IFI27: variants seen among roughly 807,000 people sequenced by gnomAD.
IFI27 encodes interferon alpha-inducible protein 27, mitochondrial.
IFI27 carries 3 observed loss-of-function variants against 8.9 expected under a neutral mutation model. That is an observed-to-expected ratio of 0.34 (90% confidence interval 0.15 to 0.87). The LOEUF (loss-of-function observed/expected upper bound fraction) is 0.87. Among genes scored for constraint, IFI27 ranks in the 40% least tolerant of loss-of-function variants. The pLI, the probability that IFI27 is intolerant of heterozygous loss-of-function variation, is 0.51. For synonymous variants in IFI27, 66 were observed against 67.3 expected, an observed-to-expected ratio of 0.98 and a Z score of 0.09; for missense variants, 152 against 157.7, an observed-to-expected ratio of 0.96 and a Z score of 0.19.
chr14:94,115,546 C>T (rs1595412397), intron 3 of IFI27: 2 of 609,296 alleles, frequency 3.3e-6, no homozygotes, highest in East Asian at 2.8e-5. Flanking sequence ...GGTCCTGCTG[C>T]CCAGAAGAGC....
intron 2 of IFI27, 72 bp from the exon 3 acceptor site, chr14:94,114,779 T>A (rs1054762053): frequency 6.4e-7 from 1 of 1,556,828 alleles, no homozygotes; most frequent in African/African-American, 1.4e-5. Flanking sequence ...TCCCTTTAGA[T>A]GGGCAATCGG....
At position 94,111,863 on chromosome 14, in the gene IFI27, T is replaced by C. The variant is rs1418233517; in HGVS notation, c.91+90T>C. ...GTCCCGGGACCCGTGGGAGAGAAAA[T>C]GGGGGACACCCGCAGCCTTGCTGCC... On this transcript the variant is annotated intron_variant, in intron 2 of 4. Transcript: ENST00000621160. This position sits in a 1 kb window ranked among gnomAD's most constrained non-coding sequence, Gnocchi z 4.3. 2 of 992,464 alleles carry C rather than the reference T, an allele frequency of 2.0e-6. No individual in the cohort carries two copies. The highest frequency in any genetic ancestry group is 4.8e-5 in the East Asian group (2 of 41,762). The allele number at this position is 992,464 out of a possible 1,614,324, so 61.5% of individuals were successfully genotyped here. A position where few individuals can be genotyped will look rare whatever the true frequency, so the allele number is the denominator to read the frequency against.
chr14:94,112,891 G>T (rs1408076543), intron 2 of IFI27: 1 of 152,270 alleles, frequency 6.6e-6, no homozygotes, highest in Non-Finnish European at 1.5e-5. Context: ...GCAAGGGCCT[G>T]GGCCACGCCC....
At chr14:94,107,356 C>A (rs1008261965), upstream of IFI27, among the ~76,000 whole-genome samples, 1 of 152,202 alleles carries the variant, frequency 6.6e-6, no homozygotes, top group Admixed American at 6.5e-5. Context: ...CAGGCGTGAG[C>A]CACCACTCCC....
chr14:94,114,884 AG>A lies in IFI27; in HGVS notation c.121+5del, dbSNP rs1375408377. The A allele has an allele frequency of 6.2e-7, 1 of 1,614,086 alleles. No homozygotes were observed. The highest frequency in any genetic ancestry group is 8.5e-7 in the Non-Finnish European group (1 of 1,179,952). The stretch of plus-strand genomic sequence containing the variant: ...GCTACAGTTGTGATTGGAGGAGGTG[AG>A]TCTGTGGGGAAGGGGCTCAAGTAAC... On this transcript the variant is annotated splice_donor_5th_base_variant and intron_variant, in intron 3 of 4. Coordinates refer to ENST00000621160, the Ensembl canonical transcript of IFI27.
upstream of IFI27, among the ~76,000 whole-genome samples, chr14:94,109,359 AG>A (rs1259200025): frequency 6.6e-6 from 1 of 150,824 alleles, no homozygotes; most frequent in Non-Finnish European, 1.5e-5. Context: ...AGGGCAGGGA[AG>A]GGCAGAGAAG....
At chr14:94,112,243 C>G (rs1299833709) in intron 2 of IFI27, 1 of 163,234 alleles carries the variant, frequency 6.1e-6, no homozygotes, top group Non-Finnish European at 1.3e-5. Context: ...TTTATTTATT[C>G]TCATTTTCTT....
chr14:94,106,351 G>A (rs139454318), upstream of IFI27, among the ~76,000 whole-genome samples: 1,361 of 152,292 alleles, frequency 8.9e-3, 21 homozygotes, highest in African/African-American at 0.029. Context: ...TGGGGTTTCT[G>A]GATCATATAG....
At chr14:94,112,378 A>G (rs1887226068) in intron 2 of IFI27, among the ~76,000 whole-genome samples, 1 of 152,226 alleles carries the variant, frequency 6.6e-6, no homozygotes, top group East Asian at 1.9e-4. Flanking sequence ...TTTAACTGAC[A>G]TGCAGGATGG....
chr14:94,114,819 A>T (rs570023601), intron 2 of IFI27, 32 bp from the exon 3 acceptor site: 2 of 1,613,574 alleles, frequency 1.2e-6, no homozygotes, highest in South Asian at 2.2e-5. Context: ...GCCAGTGTGG[A>T]TCTACTCACA....
chr14:94,109,449 G>C (rs1030879779), upstream of IFI27, among the ~76,000 whole-genome samples: 2 of 149,624 alleles, frequency 1.3e-5, no homozygotes, highest in Non-Finnish European at 3.0e-5. Flanking sequence ...AAAGTTTATT[G>C]GTGGTGGCAG....
rs561393480 is a variant in IFI27 at position 94,116,598 on chromosome 14, C to G, written c.*71C>G. On this transcript the variant is annotated 3_prime_UTR_variant, in exon 5 of 5. Coordinates refer to ENST00000621160, the Ensembl canonical transcript of IFI27. This position sits in a 1 kb window ranked among gnomAD's most constrained non-coding sequence, Gnocchi z 4.3. ...AAGGCACCCAGCCATCCTGACCCAG[C>G]GAGGAGCCAACTATCCCAAATATAC... The G allele has an allele frequency of 2.3e-5, 27 of 1,182,740 alleles. No homozygotes were observed. Among genetic ancestry groups the G allele is most frequent in the Non-Finnish European group, 3.1e-5 (25 of 805,834 alleles). 73.3% of individuals were successfully genotyped at this position (1,182,740 alleles called of 1,614,324 possible).
In IFI27 at chr14:94,111,613, T is replaced by C; in HGVS notation, c.-58-12T>C. 7.7e-7 allele frequency: 1 copy of C among 1,296,706 alleles called. No individual in the cohort carries two copies. Among genetic ancestry groups the C allele is most frequent in the Admixed American group, 1.7e-5 (1 of 58,814 alleles). The allele number at this position is 1,296,706 out of a possible 1,614,324, so 80.3% of individuals were successfully genotyped here. On this transcript the variant is annotated splice_polypyrimidine_tract_variant and intron_variant, in intron 1 of 4. Transcript: ENST00000621160. The surrounding 1 kb of genome is among the most constrained non-coding windows in gnomAD (Gnocchi z 4.3). ...TGCCCATCCCGTCCTCAGAGCTCCATCCCTTCGGCAGGTCTGGCTGAAGTT... is the reference window on the plus strand; with the variant it reads ...TGCCCATCCCGTCCTCAGAGCTCCACCCCTTCGGCAGGTCTGGCTGAAGTT...
At chr14:94,107,106 C>T (rs912088714), upstream of IFI27, among the ~76,000 whole-genome samples, 1 of 152,058 alleles carries the variant, frequency 6.6e-6, no homozygotes, top group African/African-American at 2.4e-5. Context: ...TTTCACTCTT[C>T]TTGCCCAGGC....
Position 94,115,656 on chromosome 14 carries a change from T to C in IFI27, c.122-125T>C, listed in dbSNP as rs571795035. The C allele has an allele frequency of 3.0e-6, 3 of 986,332 alleles. No individual in the cohort carries two copies. In the South Asian group the frequency reaches 4.8e-5, roughly 16 times the overall value. The allele number at this position is 986,332 out of a possible 1,614,324, so 61.1% of individuals were successfully genotyped here. A position where few individuals can be genotyped will look rare whatever the true frequency, so the allele number is the denominator to read the frequency against. On this transcript the variant is annotated intron_variant, in intron 3 of 4. Transcript: ENST00000621160. ...GATTCGTGCCTATTGGCCGTGCCCA[T>C]AGTCTCTCCCAAGCTCAAAGTTCAC...
At chr14:94,106,951 G>A (rs1374253811), upstream of IFI27, among the ~76,000 whole-genome samples, 3 of 151,994 alleles carry the variant, frequency 2.0e-5, no homozygotes, top group Non-Finnish European at 2.9e-5. Context: ...CTCCAACATT[G>A]GAGGTTACAT....
At chr14:94,107,218 C>T (rs1184702082), upstream of IFI27, among the ~76,000 whole-genome samples, 1 of 152,134 alleles carries the variant, frequency 6.6e-6, no homozygotes, top group Admixed American at 6.6e-5. Flanking sequence ...TACAGGCACA[C>T]ACCACCACGC....
At chr14:94,107,837 G>A (rs145883458), upstream of IFI27, among the ~76,000 whole-genome samples, 1 of 152,210 alleles carries the variant, frequency 6.6e-6, no homozygotes, top group East Asian at 1.9e-4. Flanking sequence ...TACTTTGGAG[G>A]AATTTCTTTT....
chr14:94,115,616 G>A, intron 3 of IFI27, 165 bp from the exon 4 acceptor site: 2 of 684,996 alleles, frequency 2.9e-6, no homozygotes, highest in East Asian at 2.7e-5. Flanking sequence ...TTCCCCGCCT[G>A]GCTGTGCTCC....
Sources: allele counts gnomAD v4.1 joint callset (sites outside exome capture counted in the v4.1 genomes callset), GRCh38; gene constraint gnomAD v4.1.1; non-coding constraint Gnocchi (gnomAD v3.1); transcripts MANE v1.5; gene names NCBI Gene and HGNC (gene_info 2026-07-23, HGNC 2026-07-21).